The following ULK4 variants were observed in gnomAD, a reference collection of about 807,000 sequenced individuals.
The protein encoded by ULK4 is inactive serine/threonine-protein kinase ULK4.
A neutral mutation model predicts 160.6 loss-of-function variants in ULK4; 133 were observed. That is an observed-to-expected ratio of 0.83 (90% CI 0.72 to 0.96). The LOEUF (loss-of-function observed/expected upper bound fraction) is 0.96, where lower values mean the gene tolerates loss of function less well. Ranked by LOEUF, ULK4 falls within the 40% of genes least tolerant of loss-of-function variation. ULK4 has a pLI of 0.00. For synonymous variants in ULK4, 534 were observed against 539.8 expected (o/e 0.99, Z 0.15); for missense variants, 1,580 against 1,499.5 (o/e 1.05, Z -0.89).
At chr3:41,878,675 TAAAAA>T (rs33987084) in intron 17 of ULK4, among the ~76,000 whole-genome samples, 35 of 95,938 alleles carry the variant, frequency 3.6e-4, no homozygotes, top group African/African-American at 1.4e-3. Context: ...TTAAAACTGT[TAAAAA>T]AAAAAAAAAA....
intron 35 of ULK4, among the ~76,000 whole-genome samples, chr3:41,377,245 A>C (rs1325089741): frequency 6.6e-6 from 1 of 152,210 alleles, no homozygotes; most frequent in Admixed American, 6.5e-5. Context: ...AAAGACTTAC[A>C]CGTTAGATCT....
chr3:41,545,410 T>A (rs945334910), intron 32 of ULK4, among the ~76,000 whole-genome samples: 3 of 152,350 alleles, frequency 2.0e-5, no homozygotes, highest in African/African-American at 7.2e-5. Flanking sequence ...TATAAAAATA[T>A]AGATTGGCAA....
chr3:41,743,647 A>G (rs569671032), intron 22 of ULK4, among the ~76,000 whole-genome samples: 3 of 152,094 alleles, frequency 2.0e-5, no homozygotes, highest in African/African-American at 7.3e-5. Flanking sequence ...CAATGCATGC[A>G]GAGAGAACAT....
intron 34 of ULK4, among the ~76,000 whole-genome samples, chr3:41,425,201 C>T (rs1242386151): frequency 6.6e-6 from 1 of 151,898 alleles, no homozygotes; most frequent in Non-Finnish European, 1.5e-5. Context: ...AATTTCAGAG[C>T]TTGAAGACTA....
intron 34 of ULK4, among the ~76,000 whole-genome samples, chr3:41,417,767 C>T (rs775722956): frequency 6.6e-6 from 1 of 152,126 alleles, no homozygotes; most frequent in Non-Finnish European, 1.5e-5. Flanking sequence ...TGACTATGGA[C>T]AGTCATATGG....
intron 35 of ULK4, among the ~76,000 whole-genome samples, chr3:41,281,803 A>C (rs971525804): frequency 8.5e-3 from 854 of 100,668 alleles, no homozygotes; most frequent in South Asian, 0.016. Flanking sequence ...CTGGCCAGGG[A>C]AATCAGGCAA....
In ULK4 at chr3:41,459,299, A is replaced by G. The variant is rs1462109129; in HGVS notation, c.3394-3704T>C. Among the ~76,000 whole-genome samples, 3 of 152,106 alleles carry G rather than the reference A, an allele frequency of 2.0e-5. No homozygotes were observed. In the East Asian group the frequency reaches 5.8e-4, roughly 29 times the overall value. ...AGGCTGGTCTTGAACTCCTGACCACATGTGATCTGCCCACCTGGGCCTCTC... is the reference window on the plus strand; with the variant it reads ...AGGCTGGTCTTGAACTCCTGACCACGTGTGATCTGCCCACCTGGGCCTCTC... On this transcript the variant is annotated intron_variant, in intron 33 of 36. Coordinates refer to ENST00000301831, the MANE Select transcript of ULK4 (RefSeq NM_017886.4).
At chr3:41,724,371 T>C (rs1305946483) in intron 22 of ULK4, among the ~76,000 whole-genome samples, 1 of 152,172 alleles carries the variant, frequency 6.6e-6, no homozygotes, top group East Asian at 1.9e-4. Flanking sequence ...TAGACACTGA[T>C]GATCAGTTTT....
At chr3:41,814,273 G>A (rs187521065) in intron 19 of ULK4, among the ~76,000 whole-genome samples, 1 of 152,262 alleles carries the variant, frequency 6.6e-6, no homozygotes. Context: ...AGCTTTGTAT[G>A]CTTAACAAAA....
intron 34 of ULK4, among the ~76,000 whole-genome samples, chr3:41,441,308 T>C (rs940176198): frequency 2.0e-5 from 3 of 152,058 alleles, no homozygotes; most frequent in Admixed American, 6.6e-5. Flanking sequence ...TCCCCCTAAG[T>C]ACTGTTTTAG....
chr3:41,762,179 C>T (rs1366077122), intron 21 of ULK4, among the ~76,000 whole-genome samples: 7 of 152,082 alleles, frequency 4.6e-5, no homozygotes, highest in Non-Finnish European at 1.0e-4. Flanking sequence ...ATTAAACAAA[C>T]CGTAAGAGAA....
At chr3:41,360,046 C>G (rs2081111053) in intron 35 of ULK4, among the ~76,000 whole-genome samples, 1 of 151,844 alleles carries the variant, frequency 6.6e-6, no homozygotes, top group Admixed American at 6.6e-5. Flanking sequence ...AGTCTAATAC[C>G]CAACATCTAC....
At chr3:41,441,876 G>C (rs1365229930) in intron 34 of ULK4, among the ~76,000 whole-genome samples, 1 of 152,138 alleles carries the variant, frequency 6.6e-6, no homozygotes, top group East Asian at 1.9e-4. Context: ...GTTTAGCACT[G>C]TTAGGTCTAT....
In ULK4 at chr3:41,796,740, A is replaced by G. The variant is rs188186015; in HGVS notation, c.2010+3392T>C. 9.8e-4 allele frequency among the ~76,000 whole-genome samples: 150 copies of G among 152,332 alleles called. 1 individual carries two copies. The highest frequency in any genetic ancestry group is 3.4e-3 in the African/African-American group (143 of 41,584). The stretch of plus-strand genomic sequence containing the variant: ...GTCTATGCATGGGTACATATATTTT[A>G]TCTAGCTTTGAATAGTGAGAAGCAA... On this transcript the variant is annotated intron_variant, in intron 20 of 36. Transcript: ENST00000301831.
At chr3:41,485,286 CAACA>C (rs2084483664) in intron 32 of ULK4, among the ~76,000 whole-genome samples, 1 of 152,024 alleles carries the variant, frequency 6.6e-6, no homozygotes, top group Non-Finnish European at 1.5e-5. Flanking sequence ...AGTGGGAATG[CAACA>C]AACAAACAAA....
At chr3:41,549,405 T>A (rs2086983920) in intron 32 of ULK4, among the ~76,000 whole-genome samples, 1 of 152,004 alleles carries the variant, frequency 6.6e-6, no homozygotes, top group African/African-American at 2.4e-5. Flanking sequence ...GGAATAAAAA[T>A]TCAATCAATA....
At chr3:41,368,665 T>C (rs1231661069) in intron 35 of ULK4, among the ~76,000 whole-genome samples, 1 of 152,236 alleles carries the variant, frequency 6.6e-6, no homozygotes, top group Non-Finnish European at 1.5e-5. Flanking sequence ...CTGTCTTATT[T>C]AACTTAGCAT....
In ULK4 at chr3:41,451,941, TGA is replaced by T. The variant is rs2083435385; in HGVS notation, c.3492+3554_3492+3555del. On this transcript the variant is annotated intron_variant, in intron 34 of 36. Coordinates refer to ENST00000301831, the MANE Select transcript of ULK4 (RefSeq NM_017886.4). ...TTTATAAAAAACAGAAAAAGAATAG[TGA>T]GAGAAGAATACATAAAGCATGCTAA... 2.0e-5 allele frequency among the ~76,000 whole-genome samples: 3 copies of T among 152,074 alleles called. No homozygotes were observed. The South Asian group carries it at 6.2e-4, about 31-fold the overall frequency.
At chr3:41,247,870 C>T (rs2078674202) in intron 36 of ULK4, among the ~76,000 whole-genome samples, 1 of 152,252 alleles carries the variant, frequency 6.6e-6, no homozygotes, top group Non-Finnish European at 1.5e-5. Context: ...GCCATCCACT[C>T]ATTCTTGGTT....
Sources: allele counts gnomAD v4.1 joint callset (sites outside exome capture counted in the v4.1 genomes callset), GRCh38; gene constraint gnomAD v4.1.1; transcripts MANE v1.5; gene names NCBI Gene and HGNC (gene_info 2026-07-23, HGNC 2026-07-21).